WDR45: variants seen among roughly 807,000 people sequenced by gnomAD.
WDR45 encodes WD repeat domain phosphoinositide-interacting protein 4.
WDR45 carries 2 observed loss-of-function variants against 27.3 expected under a neutral mutation model. The observed-to-expected ratio is 0.07, with a 90% CI of 0.03 to 0.23. WDR45 has a LOEUF of 0.23. Ranked by LOEUF, WDR45 falls within the 10% of genes least tolerant of loss-of-function variation. WDR45 has a pLI of 1.00. For missense variants in WDR45, 175 were observed against 311.9 expected (o/e 0.56, Z 3.31); for synonymous variants, 99 against 119.2 (o/e 0.83, Z 1.11).
chrX:49,082,921 CCAAGCTGGAGTG>C (rs1173373816), upstream of WDR45, among the ~76,000 whole-genome samples: 2 of 104,524 alleles, frequency 1.9e-5, no homozygotes, highest in South Asian at 8.7e-4. Context: ...GCTCTGTCAT[CCAAGCTGGAGTG>C]CAGTGGGGCG....
At chrX:49,082,138 T>C (rs1396301319), upstream of WDR45, 1 of 110,711 alleles carries the variant, frequency 9.0e-6, no homozygotes, top group African/African-American at 3.3e-5. Context: ...ATAGTCGGCA[T>C]TGGCAATTTT....
intron 2 of WDR45, among the ~76,000 whole-genome samples, chrX:49,089,798 AAAAAAG>A (rs1176783310): frequency 9.4e-6 from 1 of 106,475 alleles, no homozygotes; most frequent in African/African-American, 3.5e-5. Context: ...AAAAAAAAAA[AAAAAAG>A]AAAAGAAGAG....
At chrX:49,085,809 G>A (rs924304169) in intron 2 of WDR45, among the ~76,000 whole-genome samples, 5 of 12,846 alleles carry the variant, frequency 3.9e-4, no homozygotes, top group African/African-American at 7.9e-4. Flanking sequence ...AGCCATGATG[G>A]GGCCATTGCA....
At position 49,074,775 on chromosome X, in the gene WDR45, C is replaced by T. The variant is rs1747069240; in HGVS notation, c.*28G>A. The T allele has an allele frequency of 1.7e-6, 2 of 1,153,322 alleles. No individual in the cohort carries two copies. Among genetic ancestry groups the T allele is most frequent in the Non-Finnish European group, 2.4e-6 (2 of 843,410 alleles). The stretch of plus-strand genomic sequence containing the variant: ...GCTCAGCTCTGCAGTTCTGCCACTG[C>T]AGGTCCCTAGCACAGCCCCCAGGGT... On this transcript the variant is annotated 3_prime_UTR_variant, in exon 11 of 11. Transcript: ENST00000376372.
chrX:49,081,094 C>G (rs1367512835), upstream of WDR45, among the ~76,000 whole-genome samples: 1 of 107,631 alleles, frequency 9.3e-6, no homozygotes, highest in Non-Finnish European at 1.9e-5. Context: ...TTAGTAGAGA[C>G]CGGGTTTCTC....
Position 49,074,824 on chromosome X carries a change from G to A in WDR45, c.1062C>T (p.Ile354=). 8.3e-7 allele frequency: 1 copy of A among 1,210,478 alleles called. No homozygotes were observed. Among genetic ancestry groups the A allele is most frequent in the Non-Finnish European group, 1.1e-6 (1 of 894,467 alleles). ...GTCCTTAAAAGTCATCATCATCACA[G>A]ATGTCAAGGTACACGTCGAAAGCCT... The part of the protein sequence containing the change: ...NREAFDVYLD[I]CDDDDF Residue 354 remains isoleucine, a synonymous_variant, in exon 11 of 11, where the codon ATC becomes ATT. Transcript: ENST00000376372.
chrX:49,077,395 G>A (rs782009875), intron 4 of WDR45: 1 of 437,092 alleles, frequency 2.3e-6, no homozygotes, highest in East Asian at 3.9e-5. Flanking sequence ...AAAGTGCTTA[G>A]GGCAGTTCCA....
chrX:49,075,363 C>T lies in WDR45; in HGVS notation c.827+1G>A, dbSNP rs1557083958. 8.3e-7 allele frequency: 1 copy of T among 1,207,924 alleles called. No individual in the cohort carries two copies. The highest frequency in any genetic ancestry group is 1.1e-6 in the Non-Finnish European group (1 of 893,447). On this transcript the variant is annotated splice_donor_variant, in intron 9 of 10. Transcript: ENST00000376372. LOFTEE classifies it high-confidence loss of function. ...CGGTAGGGTGGGGAGGGGGTACTCACGCGGAGCGGCGGTTGAGGCGGGTAT... is the reference window on the plus strand; with the variant it reads ...CGGTAGGGTGGGGAGGGGGTACTCATGCGGAGCGGCGGTTGAGGCGGGTAT...
At chrX:49,091,725 C>T (rs1281345732) in intron 2 of WDR45, among the ~76,000 whole-genome samples, 7 of 69,644 alleles carry the variant, frequency 1.0e-4, no homozygotes, top group Non-Finnish European at 1.7e-4. Context: ...GTCCGCAGTC[C>T]GACCTGGGCG....
chrX:49,079,938 C>T (rs781992043), upstream of WDR45: 2 of 113,272 alleles, frequency 1.8e-5, no homozygotes, highest in Non-Finnish European at 3.7e-5. Context: ...AAATGACTCA[C>T]CCCAGCTGGA....
Position 49,089,246 on chromosome X carries a change from C to T in WDR45, c.-18+10959G>A, listed in dbSNP as rs371197926. On this transcript the variant is annotated intron_variant, in intron 2 of 11. Transcript: ENST00000356463. ...GAAGCTGCAGTGAGGCAAGATCATGCCACTGCACTCCAGCCTGGGTGACAG... is the reference window on the plus strand; with the variant it reads ...GAAGCTGCAGTGAGGCAAGATCATGTCACTGCACTCCAGCCTGGGTGACAG... 1.3e-4 allele frequency among the ~76,000 whole-genome samples: 14 copies of T among 111,479 alleles called. No individual in the cohort carries two copies. In the East Asian group the frequency reaches 3.7e-3, roughly 30 times the overall value.
intron 6 of WDR45, 98 bp from the exon 7 acceptor site, chrX:49,076,043 G>T: frequency 1.3e-6 from 1 of 755,318 alleles, no homozygotes; most frequent in Non-Finnish European, 2.0e-6. Context: ...AACCCTCCAC[G>T]ATAAGCTTAA....
intron 2 of WDR45, among the ~76,000 whole-genome samples, chrX:49,097,107 C>CT (rs35680001): frequency 1.4e-3 from 146 of 106,557 alleles, no homozygotes; most frequent in Admixed American, 2.8e-3. Context: ...CATTGAAGCA[C>CT]TTTTTTTTTT....
chrX:49,085,789 A>G (rs1326510883), intron 2 of WDR45, among the ~76,000 whole-genome samples: 1 of 4,093 alleles, frequency 2.4e-4, no homozygotes, highest in East Asian at 0.12. Flanking sequence ...AGGTGGGAGG[A>G]TTGCTTGTGA....
intron 7 of WDR45, 37 bp downstream of exon 7, chrX:49,075,829 C>A: frequency 8.3e-7 from 1 of 1,203,322 alleles, no homozygotes; most frequent in Non-Finnish European, 1.1e-6. Flanking sequence ...GAAGCCAGTC[C>A]ACCAACCTAC....
intron 2 of WDR45, among the ~76,000 whole-genome samples, chrX:49,096,469 G>A (rs782019260): frequency 7.1e-5 from 8 of 112,226 alleles, no homozygotes; most frequent in Non-Finnish European, 1.5e-4. Flanking sequence ...GAGCTCAAGC[G>A]ATCCTCCTGT....
chrX:49,095,641 T>A (rs2065122345), intron 2 of WDR45, among the ~76,000 whole-genome samples: 1 of 107,657 alleles, frequency 9.3e-6, no homozygotes, highest in Non-Finnish European at 1.9e-5. Context: ...TTTGTATTTT[T>A]AGTAGAGACG....
At chrX:49,077,513 C>CA in intron 4 of WDR45, 130 bp downstream of exon 4, 1 of 588,930 alleles carries the variant, frequency 1.7e-6, no homozygotes, top group Non-Finnish European at 2.9e-6. Flanking sequence ...CCATGACTTC[C>CA]AAGCTGTAGG....
At chrX:49,075,060 C>G in intron 10 of WDR45, 76 bp downstream of exon 10, 2 of 1,186,914 alleles carry the variant, frequency 1.7e-6, no homozygotes, top group Non-Finnish European at 2.3e-6. Flanking sequence ...TCACATGGCC[C>G]TAAAATCCTT....
Sources: gnomAD v4.1 joint callset for allele counts (sites outside exome capture counted in the v4.1 genomes callset) on GRCh38, gnomAD v4.1.1 for gene constraint, MANE v1.5 for transcripts, NCBI Gene and HGNC (gene_info 2026-07-23, HGNC 2026-07-21) for gene names.